Variants in BICC1 observed in about 807,000 individuals in gnomAD.
BICC1 encodes BicC family RNA binding protein 1.
In BICC1, 43 loss-of-function variants were observed where a neutral mutation model predicts 111.0. That is an observed-to-expected ratio of 0.39 (90% CI 0.30 to 0.50). The LOEUF (loss-of-function observed/expected upper bound fraction) is 0.50. Ranked by LOEUF, BICC1 falls within the 20% of genes least tolerant of loss-of-function variation. The pLI is 0.88. For synonymous variants in BICC1, 467 were observed against 434.4 expected (o/e 1.07, Z -0.93); for missense variants, 1,091 against 1,203.2 (o/e 0.91, Z 1.38).
intron 1 of BICC1, among the ~76,000 whole-genome samples, chr10:58,540,443 T>G (rs942186765): frequency 6.6e-6 from 1 of 151,950 alleles, no homozygotes; most frequent in Non-Finnish European, 1.5e-5. Context: ...ACATTACAAC[T>G]GATGCCACAG....
At chr10:58,686,440 G>A (rs1472149644) in intron 2 of BICC1, among the ~76,000 whole-genome samples, 3 of 152,108 alleles carry the variant, frequency 2.0e-5, no homozygotes, top group African/African-American at 7.2e-5. Flanking sequence ...AATTTCCCTG[G>A]ATAATATCCT....
In BICC1 at chr10:58,702,774, A is replaced by G. The variant is rs556965604; in HGVS notation, c.307+631A>G. On this transcript the variant is annotated intron_variant, in intron 3 of 20. Coordinates refer to ENST00000373886, the MANE Select transcript of BICC1 (RefSeq NM_001080512.3). The stretch of plus-strand genomic sequence containing the variant: ...TATATATTTTTATGGATAGTTTTTA[A>G]AGTATGACCTTAGTCTCAACAAACT... Among the ~76,000 whole-genome samples the G allele has an allele frequency of 3.0e-4, 45 of 152,338 alleles. 1 individual carries two copies. The South Asian group carries it at 8.9e-3, about 30-fold the overall frequency.
At chr10:58,535,675 G>T (rs753502614) in intron 1 of BICC1, among the ~76,000 whole-genome samples, 2 of 151,442 alleles carry the variant, frequency 1.3e-5, no homozygotes, top group Non-Finnish European at 3.0e-5. Flanking sequence ...ACACAGTGAA[G>T]AAAAGAAAGT....
chr10:58,637,020 CCA>C lies in BICC1; in HGVS notation c.237+16126_237+16127del, dbSNP rs200121634. 4.6e-3 allele frequency among the ~76,000 whole-genome samples: 687 copies of C among 150,358 alleles called. 14 individuals are homozygous for C. The highest frequency in any genetic ancestry group is 0.016 in the African/African-American group (650 of 41,168). On this transcript the variant is annotated intron_variant, in intron 2 of 20. Coordinates refer to ENST00000373886, the MANE Select transcript of BICC1 (RefSeq NM_001080512.3). ...CATATCTTTAGTTGCTTGAAAAAAA[CCA>C]CACACAGTTCTATAATATTTTTGGC...
chr10:58,705,444 T>C (rs1023345248), intron 3 of BICC1, among the ~76,000 whole-genome samples: 7 of 152,188 alleles, frequency 4.6e-5, no homozygotes, highest in Non-Finnish European at 8.8e-5. Flanking sequence ...TTTAGAGTGA[T>C]GACAACCTCA....
At chr10:58,637,583 A>G (rs953657976) in intron 2 of BICC1, among the ~76,000 whole-genome samples, 1 of 152,218 alleles carries the variant, frequency 6.6e-6, no homozygotes, top group Non-Finnish European at 1.5e-5. Context: ...TTGGCTTTAC[A>G]GCCCTTTGCT....
At chr10:58,516,067 C>T (rs1055349210) in intron 1 of BICC1, among the ~76,000 whole-genome samples, 1 of 152,036 alleles carries the variant, frequency 6.6e-6, no homozygotes, top group Non-Finnish European at 1.5e-5. Flanking sequence ...GGGTGGAAAG[C>T]TTTTTATTTG....
intron 3 of BICC1, among the ~76,000 whole-genome samples, chr10:58,775,877 A>T (rs1201426037): frequency 2.0e-5 from 3 of 152,218 alleles, no homozygotes; most frequent in Non-Finnish European, 4.4e-5. Context: ...CTTTGAGATC[A>T]CGAACAAGCT....
At position 58,636,412 on chromosome 10, in the gene BICC1, T is replaced by C. The variant is rs564615449; in HGVS notation, c.237+15511T>C. On this transcript the variant is annotated intron_variant, in intron 2 of 20. Transcript: ENST00000373886. The stretch of plus-strand genomic sequence containing the variant: ...ATATTATTAAAGCAATAAGAGGTAG[T>C]GCTATCTTGTCCCATCCTCCTGCCT... Among the ~76,000 whole-genome samples, 3 of 152,304 alleles carry C rather than the reference T, an allele frequency of 2.0e-5. No individual in the cohort carries two copies. The East Asian group carries it at 5.8e-4, about 29-fold the overall frequency.
Position 58,710,852 on chromosome 10 carries a change from G to T in BICC1, c.307+8709G>T, listed in dbSNP as rs573967622. ...TAGAAAAATGTGTGGTTTTGTTGTTGTTGTTCTTGTTTTTGAGATAGGGAC... is the reference window on the plus strand; with the variant it reads ...TAGAAAAATGTGTGGTTTTGTTGTTTTTGTTCTTGTTTTTGAGATAGGGAC... On this transcript the variant is annotated intron_variant, in intron 3 of 20. Coordinates refer to ENST00000373886, the MANE Select transcript of BICC1 (RefSeq NM_001080512.3). Among the ~76,000 whole-genome samples, 4 of 152,174 alleles carry T rather than the reference G, an allele frequency of 2.6e-5. No homozygotes were observed. In the East Asian group the frequency reaches 7.7e-4, roughly 29 times the overall value.
At chr10:58,787,140 C>T (rs966409919) in intron 5 of BICC1, 59 bp downstream of exon 5, 81 of 1,430,900 alleles carry the variant, frequency 5.7e-5, no homozygotes, top group Non-Finnish European at 7.4e-5. Context: ...ATTTAATTTT[C>T]AGTTTGCCTA....
At chr10:58,653,770 T>G (rs10733983) in intron 2 of BICC1, among the ~76,000 whole-genome samples, 1 of 147,912 alleles carries the variant, frequency 6.8e-6, no homozygotes, top group South Asian at 2.2e-4. Flanking sequence ...CATGCTGGTG[T>G]GCTGCACCCA....
At position 58,805,090 on chromosome 10, in the gene BICC1, C is replaced by G. The variant is rs150791705; in HGVS notation, c.2182-1494C>G. Among the ~76,000 whole-genome samples, 3 of 152,228 alleles carry G rather than the reference C, an allele frequency of 2.0e-5. No homozygotes were observed. The East Asian group carries it at 5.8e-4, about 29-fold the overall frequency. On this transcript the variant is annotated intron_variant, in intron 15 of 20. Transcript: ENST00000373886. The stretch of plus-strand genomic sequence containing the variant: ...GGCAGATCACCTGAGGTCAGGAGTT[C>G]GAGACCAGCCTGGCCAACATGGCGA...
intron 2 of BICC1, among the ~76,000 whole-genome samples, chr10:58,697,036 G>A (rs533141855): frequency 6.6e-6 from 1 of 152,266 alleles, no homozygotes; most frequent in Non-Finnish European, 1.5e-5. Flanking sequence ...GTTACCATAA[G>A]GAAGTACTAA....
chr10:58,646,668 T>G (rs1486734293), intron 2 of BICC1, among the ~76,000 whole-genome samples: 2 of 152,140 alleles, frequency 1.3e-5, no homozygotes, highest in Non-Finnish European at 2.9e-5. Flanking sequence ...CTTAGGAAAC[T>G]CATAGCCGAA....
intron 3 of BICC1, among the ~76,000 whole-genome samples, chr10:58,752,019 A>T (rs1385756770): frequency 6.6e-6 from 1 of 152,210 alleles, no homozygotes; most frequent in Non-Finnish European, 1.5e-5. Context: ...CTATGATTTC[A>T]CATGAGCTAT....
chr10:58,558,309 C>T (rs1843510548), intron 1 of BICC1, among the ~76,000 whole-genome samples: 1 of 152,094 alleles, frequency 6.6e-6, no homozygotes, highest in South Asian at 2.1e-4. Context: ...GCTTTCACCT[C>T]TTTGCTATTC....
At chr10:58,810,348 T>C (rs1046246624) in intron 17 of BICC1, among the ~76,000 whole-genome samples, 1 of 152,170 alleles carries the variant, frequency 6.6e-6, no homozygotes, top group African/African-American at 2.4e-5. Context: ...ACATTGAAAT[T>C]TGGGAGGAAG....
At chr10:58,620,942 G>A (rs1166928821) in intron 2 of BICC1, 41 bp downstream of exon 2, 7 of 1,558,440 alleles carry the variant, frequency 4.5e-6, no homozygotes, top group South Asian at 1.1e-5. Flanking sequence ...TAAGTAAGAG[G>A]AAATATACTT....
Sources: gnomAD v4.1 joint callset for allele counts (sites outside exome capture counted in the v4.1 genomes callset) on GRCh38, gnomAD v4.1.1 for gene constraint, MANE v1.5 for transcripts, NCBI Gene and HGNC (gene_info 2026-07-23, HGNC 2026-07-21) for gene names.